Variants in INO80D observed in about 807,000 individuals in gnomAD.
INO80D encodes INO80 complex subunit D.
Under a neutral mutation model 87.6 loss-of-function variants are expected in INO80D, and 21 were observed. The ratio of observed to expected loss-of-function variants is 0.24; its 90% CI spans 0.17 to 0.35. INO80D has a LOEUF of 0.35. Among genes scored for constraint, INO80D ranks in the 10% least tolerant of loss-of-function variants. The pLI, the probability that INO80D is intolerant of heterozygous loss-of-function variation, is 1.00. For synonymous variants in INO80D, 440 were observed against 491.0 expected, an observed-to-expected ratio of 0.90 and a Z score of 1.37; for missense variants, 982 against 1,280.7, an observed-to-expected ratio of 0.77 and a Z score of 3.56.
At chr2:206,036,669 T>A (rs1417388769) in intron 5 of INO80D, among the ~76,000 whole-genome samples, 2 of 152,112 alleles carry the variant, frequency 1.3e-5, no homozygotes, top group Non-Finnish European at 2.9e-5. Context: ...AAGAGCTTAT[T>A]CATGTAACCA....
At chr2:206,011,406 T>G (rs1486051427) in intron 8 of INO80D, among the ~76,000 whole-genome samples, 1 of 152,194 alleles carries the variant, frequency 6.6e-6, no homozygotes, top group Non-Finnish European at 1.5e-5. Flanking sequence ...GCCAGATACT[T>G]CACACAGAAC....
chr2:206,023,162 T>C (rs1014909397), intron 6 of INO80D, among the ~76,000 whole-genome samples: 1 of 151,722 alleles, frequency 6.6e-6, no homozygotes, highest in Non-Finnish European at 1.5e-5. Context: ...GACAGCGCCA[T>C]TGCACTCCAG....
chr2:206,085,480 G>C lies in INO80D; in HGVS notation c.-124+421C>G, dbSNP rs865997990. On this transcript the variant is annotated intron_variant, in intron 1 of 10. Coordinates refer to ENST00000403263, the MANE Select transcript of INO80D (RefSeq NM_017759.5). The surrounding 1 kb of genome is among the most constrained non-coding windows in gnomAD (Gnocchi z 4.5). The stretch of plus-strand genomic sequence containing the variant: ...GCGCGGGATTCGGCCCAGCAGCGCC[G>C]CCGTCCCACCCGGAGACCCCGGGGG... 1 of 151,184 alleles carries C rather than the reference G, an allele frequency of 6.6e-6. No individual in the cohort carries two copies. Among genetic ancestry groups the C allele is most frequent in the Non-Finnish European group, 1.5e-5 (1 of 67,718 alleles). The allele number at this position is 151,184 out of a possible 1,614,324, so 9.4% of individuals were successfully genotyped here. A position where few individuals can be genotyped will look rare whatever the true frequency, so the allele number is the denominator to read the frequency against.
At chr2:206,047,881 C>T (rs1334771160) in intron 4 of INO80D, among the ~76,000 whole-genome samples, 1 of 118,512 alleles carries the variant, frequency 8.4e-6, no homozygotes, top group Non-Finnish European at 1.8e-5. Flanking sequence ...GACGGAGTCT[C>T]GCTCTGTCGC....
At chr2:206,084,092 T>G in intron 1 of INO80D, among the ~76,000 whole-genome samples, 1 of 151,456 alleles carries the variant, frequency 6.6e-6, no homozygotes. Context: ...TTTTTTAACG[T>G]TCAGAGCTCA....
At chr2:206,032,882 TA>T (rs1688803760) in intron 5 of INO80D, among the ~76,000 whole-genome samples, 2 of 152,166 alleles carry the variant, frequency 1.3e-5, no homozygotes. Flanking sequence ...AAGCATAAAT[TA>T]TACAGGACCT....
chr2:206,066,033 G>A (rs1286331776), intron 1 of INO80D, among the ~76,000 whole-genome samples: 15 of 152,198 alleles, frequency 9.9e-5, no homozygotes, highest in Admixed American at 9.8e-4. Context: ...GCCAGGGCAG[G>A]TGGATCACTT....
At chr2:206,055,667 T>C (rs1689496568) in intron 4 of INO80D, among the ~76,000 whole-genome samples, 1 of 152,224 alleles carries the variant, frequency 6.6e-6, no homozygotes. Flanking sequence ...CTGTATCCTA[T>C]TCAGCAAGTG....
chr2:206,068,409 TTTAGATCTCAGGTCAG>T (rs1372537060), intron 1 of INO80D, among the ~76,000 whole-genome samples: 3 of 151,998 alleles, frequency 2.0e-5, no homozygotes, highest in Non-Finnish European at 2.9e-5. Context: ...CACACTACAT[TTTAGATCTCAGGTCAG>T]CAAACTAAAC....
rs183511787 is a variant in INO80D, at chr2:206,004,345, T to C, written c.*23A>G. 60 of 1,563,098 alleles carry C rather than the reference T, an allele frequency of 3.8e-5. No homozygotes were observed. In the African/African-American group the frequency reaches 7.7e-4, roughly 20 times the overall value. ...GATAGAAAACACTGGGTTCCCCACCTGCCTGCAAACACACAGACACCCTCA... is the reference window on the plus strand; with the variant it reads ...GATAGAAAACACTGGGTTCCCCACCCGCCTGCAAACACACAGACACCCTCA... On this transcript the variant is annotated 3_prime_UTR_variant, in exon 11 of 11. Transcript: ENST00000403263. The surrounding 1 kb of genome is among the most constrained non-coding windows in gnomAD (Gnocchi z 4.9).
intron 6 of INO80D, among the ~76,000 whole-genome samples, chr2:206,027,422 G>C (rs930150865): frequency 2.6e-5 from 4 of 152,210 alleles, no homozygotes; most frequent in Non-Finnish European, 4.4e-5. Context: ...GAAAAGGCCA[G>C]CTACAGTGGC....
chr2:206,035,395 C>A (rs551550100), intron 5 of INO80D, among the ~76,000 whole-genome samples: 4 of 151,946 alleles, frequency 2.6e-5, no homozygotes, highest in Non-Finnish European at 5.9e-5. Context: ...AAAATGGGCA[C>A]ACAGACCAAC....
chr2:206,083,941 G>A (rs1399948767), intron 1 of INO80D, among the ~76,000 whole-genome samples: 1 of 151,736 alleles, frequency 6.6e-6, no homozygotes, highest in Non-Finnish European at 1.5e-5. Flanking sequence ...CTGGGGACTG[G>A]CAGTGGGGGG....
intron 1 of INO80D, among the ~76,000 whole-genome samples, chr2:206,068,893 GT>G (rs1689888407): frequency 6.6e-6 from 1 of 151,908 alleles, no homozygotes; most frequent in African/African-American, 2.4e-5. Context: ...TAGAGACGAG[GT>G]TTCACCATGT....
At chr2:206,078,105 C>T (rs1458125212) in intron 1 of INO80D, among the ~76,000 whole-genome samples, 1 of 142,716 alleles carries the variant, frequency 7.0e-6, no homozygotes, top group African/African-American at 2.6e-5. Context: ...CCCAGAACTT[C>T]CAGCTCTTCC....
At position 206,019,858 on chromosome 2, in the gene INO80D, A is replaced by C. The variant is rs1688413977; in HGVS notation, c.1299-13T>G. Reference sequence around the variant, plus strand: ...GGTCCGGCTTATGCTAAGGAAAGAAAAACAGAGAATTAATTTTTTTTTAAT... The same window carrying C: ...GGTCCGGCTTATGCTAAGGAAAGAACAACAGAGAATTAATTTTTTTTTAAT... On this transcript the variant is annotated splice_polypyrimidine_tract_variant and intron_variant, in intron 6 of 10. Coordinates refer to ENST00000403263, the MANE Select transcript of INO80D (RefSeq NM_017759.5). 6.2e-7 allele frequency: 1 copy of C among 1,601,572 alleles called. No individual in the cohort carries two copies. Among genetic ancestry groups the C allele is most frequent in the African/African-American group, 1.3e-5 (1 of 74,394 alleles).
At chr2:206,047,026 A>G (rs1575844766) in intron 4 of INO80D, among the ~76,000 whole-genome samples, 1 of 152,154 alleles carries the variant, frequency 6.6e-6, no homozygotes, top group South Asian at 2.1e-4. Flanking sequence ...TGATCCACCC[A>G]CCTCGGCCTC....
At chr2:206,058,290 G>A (rs1314671898) in intron 3 of INO80D, among the ~76,000 whole-genome samples, 1 of 151,634 alleles carries the variant, frequency 6.6e-6, no homozygotes, top group Non-Finnish European at 1.5e-5. Context: ...GTGGTGGCAG[G>A]AGCCTGTAGT....
chr2:206,083,535 C>G (rs79428739), intron 1 of INO80D, among the ~76,000 whole-genome samples: 11,994 of 152,188 alleles, frequency 0.079, 722 homozygotes, highest in Admixed American at 0.19. Context: ...CAGATCCATA[C>G]AATCTCAAAT....
Sources: allele counts gnomAD v4.1 joint callset (sites outside exome capture counted in the v4.1 genomes callset), GRCh38; gene constraint gnomAD v4.1.1; non-coding constraint Gnocchi (gnomAD v3.1); transcripts MANE v1.5; gene names NCBI Gene and HGNC (gene_info 2026-07-23, HGNC 2026-07-21).